BSN: variants seen among roughly 807,000 people sequenced by gnomAD.
BSN encodes bassoon presynaptic cytomatrix protein.
Under a neutral mutation model 264.8 loss-of-function variants are expected in BSN, and 57 were observed. The observed-to-expected ratio is 0.22, with a 90% CI of 0.17 to 0.27. The LOEUF is 0.27. BSN is among the 10% of genes least tolerant of loss of function. BSN has a pLI of 1.00. For missense variants in BSN, 4,615 were observed against 5,232.5 expected, an observed-to-expected ratio of 0.88 and a Z score of 3.64; for synonymous variants, 2,059 against 2,137.3, an observed-to-expected ratio of 0.96 and a Z score of 1.01.
chr3:49,621,059 A>T (rs987664965), intron 1 of BSN, among the ~76,000 whole-genome samples: 1 of 152,182 alleles, frequency 6.6e-6, no homozygotes, highest in Admixed American at 6.5e-5. Context: ...TGCTGGATTG[A>T]CTTAGGATGA....
chr3:49,628,434 T>C (rs1352143217), intron 2 of BSN, among the ~76,000 whole-genome samples: 5 of 152,198 alleles, frequency 3.3e-5, no homozygotes, highest in South Asian at 4.1e-4. Context: ...GATCTGGAGA[T>C]GGGAATCACA....
Position 49,625,123 on chromosome 3 carries a change from C to T in BSN, c.373C>T (p.Pro125Ser), listed in dbSNP as rs571548932. The T allele has an allele frequency of 1.1e-5, 17 of 1,596,970 alleles. No homozygotes were observed. Among genetic ancestry groups the T allele is most frequent in the Non-Finnish European group, 1.5e-5 (17 of 1,171,778 alleles). ...QGPAGQEADGPRRTLQVDSRT... is the reference protein window; with the variant it reads ...QGPAGQEADGSRRTLQVDSRT... ...ACCAGCAGGCCAGGAGGCTGATGGT[C>T]CCCGCAGGACGCTGCAGGTAGACAG... The change falls in exon 2 of 12, where the codon CCC (proline) becomes TCC (serine). Residue 125 changes from proline to serine, a missense_variant. Coordinates refer to ENST00000296452, the MANE Select transcript of BSN (RefSeq NM_003458.4). The surrounding 1 kb of genome is among the most constrained non-coding windows in gnomAD (Gnocchi z 4.4).
At chr3:49,576,834 A>C (rs2051848151) in intron 1 of BSN, among the ~76,000 whole-genome samples, 1 of 152,210 alleles carries the variant, frequency 6.6e-6, no homozygotes, top group African/African-American at 2.4e-5. Context: ...CCATTGCAGC[A>C]TGAGTAGTCA....
intron 2 of BSN, among the ~76,000 whole-genome samples, chr3:49,628,179 A>G (rs150903478): frequency 1.5e-4 from 23 of 152,298 alleles, no homozygotes; most frequent in African/African-American, 5.1e-4. Flanking sequence ...AGAAAATGGA[A>G]CTTTGTTCAT....
intron 3 of BSN, 59 bp from the exon 4 acceptor site, chr3:49,650,553 A>G: frequency 7.0e-7 from 1 of 1,425,870 alleles, no homozygotes; most frequent in Non-Finnish European, 9.7e-7. Context: ...TGGAAATATT[A>G]TTTGAGGACT....
In BSN at chr3:49,638,791, C is replaced by G. The variant is rs2052438740; in HGVS notation, c.634-3477C>G. Among the ~76,000 whole-genome samples the G allele has an allele frequency of 1.3e-5, 2 of 152,210 alleles. No individual in the cohort carries two copies. The highest frequency in any genetic ancestry group is 2.9e-5 in the Non-Finnish European group (2 of 68,028). On this transcript the variant is annotated intron_variant, in intron 2 of 11. Transcript: ENST00000296452. The surrounding 1 kb of genome is among the most constrained non-coding windows in gnomAD (Gnocchi z 4.3). ...CTTTGTTCAGCCTGATTCAGAACCC[C>G]AGGGACAGTCACCCCAAAGTTGCAG...
At chr3:49,672,637 A>G (rs1317382169), downstream of BSN, among the ~76,000 whole-genome samples, 4 of 141,606 alleles carry the variant, frequency 2.8e-5, no homozygotes, top group Non-Finnish European at 6.2e-5. Context: ...CGTGCCACCC[A>G]GCCCGGCTAA....
chr3:49,650,479 C>T, intron 3 of BSN, 133 bp from the exon 4 acceptor site: 1 of 846,632 alleles, frequency 1.2e-6, no homozygotes, highest in African/African-American at 1.7e-5. Context: ...CAGTCTTTTT[C>T]TCCTTATGTC....
At chr3:49,588,960 G>C (rs1168533898) in intron 1 of BSN, among the ~76,000 whole-genome samples, 1 of 151,286 alleles carries the variant, frequency 6.6e-6, no homozygotes, top group Non-Finnish European at 1.5e-5. Context: ...TGTCGCCCAG[G>C]CTGGAGTGCA....
In BSN at chr3:49,661,635, C is replaced by T. The variant is rs866981161; in HGVS notation, c.9790C>T (p.Arg3264Cys). ...GCCCCTGGGGCCAGGCAGCAGTGGG[C>T]GTCCAGGGAAGGAGCCTGGAGAACC... ...LEPLGPGSSG[R>C]PGKEPGEPGV... Residue 3264 changes from arginine (R) to cysteine (C), a missense_variant, in exon 6 of 12, where the codon CGT becomes TGT. Arg to Cys is a radical substitution (Grantham distance 180). This residue lies in a region of BSN where 3,415 missense variants were observed against 3,866.4 expected (regional missense o/e 0.88). Transcript: ENST00000296452. 5 of 1,613,564 alleles carry T rather than the reference C, an allele frequency of 3.1e-6. No individual in the cohort carries two copies. The highest frequency in any genetic ancestry group is 1.3e-5 in the African/African-American group (1 of 75,068).
At chr3:49,571,605 G>A (rs1280092500) in intron 1 of BSN, among the ~76,000 whole-genome samples, 1 of 152,100 alleles carries the variant, frequency 6.6e-6, no homozygotes, top group Non-Finnish European at 1.5e-5. Context: ...CTTTGGTAGT[G>A]CACTCACTCT....
intron 1 of BSN, among the ~76,000 whole-genome samples, chr3:49,604,014 C>G (rs1424865076): frequency 6.6e-6 from 1 of 152,110 alleles, no homozygotes; most frequent in African/African-American, 2.4e-5. Flanking sequence ...ATGCATGTAT[C>G]AGTACTTCAT....
intron 2 of BSN, among the ~76,000 whole-genome samples, chr3:49,641,023 G>C (rs144760512): frequency 2.2e-4 from 34 of 152,240 alleles, no homozygotes; most frequent in African/African-American, 7.9e-4. Flanking sequence ...ACCAGAGAGA[G>C]GGGGAGGCTG....
At position 49,669,027 on chromosome 3, in the gene BSN, T is replaced by C. The variant is rs1170729545; in HGVS notation, c.*1542T>C. The C allele has an allele frequency of 6.6e-6, 1 of 152,106 alleles. No homozygotes were observed. The highest frequency in any genetic ancestry group is 1.5e-5 in the Non-Finnish European group (1 of 67,954). The allele number at this position is 152,106 out of a possible 1,614,324, so 9.4% of individuals were successfully genotyped here. ...TGAAATTCTCAGTCTGTGGCATGTTTGACCTGTGGCAGGACTCGCTGCTGC... is the reference window on the plus strand; with the variant it reads ...TGAAATTCTCAGTCTGTGGCATGTTCGACCTGTGGCAGGACTCGCTGCTGC... On this transcript the variant is annotated 3_prime_UTR_variant, in exon 12 of 12. Transcript: ENST00000296452.
chr3:49,636,831 T>C (rs1322175383), intron 2 of BSN, among the ~76,000 whole-genome samples: 1 of 152,238 alleles, frequency 6.6e-6, no homozygotes, highest in Admixed American at 6.5e-5. Context: ...AACATGTCTA[T>C]TGCTGTACCA....
At chr3:49,563,999 G>C (rs2051734531) in intron 1 of BSN, among the ~76,000 whole-genome samples, 2 of 152,182 alleles carry the variant, frequency 1.3e-5, no homozygotes, top group African/African-American at 4.8e-5. Context: ...CCACGTGCCA[G>C]GGCTGAGGTC....
chr3:49,614,388 T>A (rs1459068379), intron 1 of BSN, among the ~76,000 whole-genome samples: 1 of 152,154 alleles, frequency 6.6e-6, no homozygotes, highest in Non-Finnish European at 1.5e-5. Flanking sequence ...TATACTGAAC[T>A]CATGGCATTT....
intron 1 of BSN, among the ~76,000 whole-genome samples, chr3:49,558,870 T>C (rs953284526): frequency 1.3e-5 from 2 of 152,202 alleles, no homozygotes; most frequent in African/African-American, 4.8e-5. Flanking sequence ...TGCTGTTGAT[T>C]TAAAAAATGT....
Position 49,554,760 on chromosome 3 carries a change from G to C in BSN, c.158G>C (p.Arg53Pro), listed in dbSNP as rs770081969. The change falls in exon 1 of 12, where the codon CGG becomes CCG. Residue 53 changes from arginine to proline, a missense_variant. Around this residue, in one of 3 missense-constraint regions of BSN, gnomAD observed 1,197 missense variants for 1,348.0 expected, o/e 0.89. Transcript: ENST00000296452. ...CAGCTCCCCGCGGCGGGAGCAGCGC[G>C]GTCGACCGCGGTACCACCGGTCCCT... ...GGQLPAAGAA[R>P]STAVPPVPGP... is the part of the protein sequence containing the mutation. 2.2e-5 allele frequency: 27 copies of C among 1,229,204 alleles called. No individual in the cohort carries two copies. The South Asian group carries it at 8.2e-4, about 38-fold the overall frequency. The allele number at this position is 1,229,204 out of a possible 1,614,324, so 76.1% of individuals were successfully genotyped here. A position where few individuals can be genotyped will look rare whatever the true frequency, so the allele number is the denominator to read the frequency against.
Sources: gnomAD v4.1 joint callset for allele counts (sites outside exome capture counted in the v4.1 genomes callset) on GRCh38, gnomAD v4.1.1 for gene constraint, gnomAD v4.1.1 regional missense constraint, Gnocchi (gnomAD v3.1) non-coding constraint, MANE v1.5 for transcripts, NCBI Gene and HGNC (gene_info 2026-07-23, HGNC 2026-07-21) for gene names.